SIN3B: variants seen among roughly 807,000 people sequenced by gnomAD.
The protein encoded by SIN3B is paired amphipathic helix protein Sin3b.
SIN3B carries 19 observed loss-of-function variants against 120.2 expected under a neutral mutation model. The ratio of observed to expected loss-of-function variants is 0.16; its 90% CI spans 0.11 to 0.23. The LOEUF (loss-of-function observed/expected upper bound fraction) is 0.23, where lower values mean the gene tolerates loss of function less well. Ranked by LOEUF, SIN3B falls within the 10% of genes least tolerant of loss-of-function variation. The pLI is 1.00. For missense variants in SIN3B, 1,073 were observed against 1,573.0 expected, an observed-to-expected ratio of 0.68 and a Z score of 5.38; for synonymous variants, 654 against 653.2, an observed-to-expected ratio of 1.00 and a Z score of -0.02.
At chr19:16,841,426 T>G (rs149254931) in intron 3 of SIN3B, among the ~76,000 whole-genome samples, 1 of 152,288 alleles carries the variant, frequency 6.6e-6, no homozygotes, top group East Asian at 1.9e-4. Context: ...GGGAGACTTC[T>G]CTATTATATG....
At chr19:16,850,928 A>G (rs1387536717) in intron 5 of SIN3B, among the ~76,000 whole-genome samples, 1 of 151,594 alleles carries the variant, frequency 6.6e-6, no homozygotes, top group Admixed American at 6.6e-5. Flanking sequence ...ATCCCCCAGA[A>G]ACGTTTTGTC....
chr19:16,851,020 T>G (rs1971537684), intron 5 of SIN3B, among the ~76,000 whole-genome samples: 1 of 152,262 alleles, frequency 6.6e-6, no homozygotes, highest in Non-Finnish European at 1.5e-5. Flanking sequence ...CCTTGCTGCC[T>G]GTTTCTCTGT....
chr19:16,835,640 C>T lies in SIN3B; in HGVS notation c.381+3993C>T, dbSNP rs1006997522. 2.2e-4 allele frequency among the ~76,000 whole-genome samples: 34 copies of T among 152,036 alleles called. 1 individual carries two copies. Among genetic ancestry groups the T allele is most frequent in the African/African-American group, 8.2e-4 (34 of 41,374 alleles). ...GTTCAAGTCATTCTCCTGCCTCAGC[C>T]TCCCAAGTAGCTGCTATTACAGGCA... On this transcript the variant is annotated intron_variant, in intron 3 of 18. Coordinates refer to ENST00000248054, the MANE Select transcript of SIN3B (RefSeq NM_001297595.2).
At chr19:16,847,305 G>A (rs182652601) in intron 5 of SIN3B, among the ~76,000 whole-genome samples, 192 bp downstream of exon 5, 3 of 152,332 alleles carry the variant, frequency 2.0e-5, no homozygotes, top group South Asian at 2.1e-4. Flanking sequence ...GCTCGTAAAC[G>A]ATTTGCCAAG....
chr19:16,829,419 A>T lies in SIN3B; in HGVS notation c.-2A>T, dbSNP rs1167017635. 92 of 1,204,730 alleles carry T rather than the reference A, an allele frequency of 7.6e-5. No homozygotes were observed. Among genetic ancestry groups the T allele is most frequent in the South Asian group, 1.7e-4 (4 of 24,068 alleles). 74.6% of individuals were successfully genotyped at this position (1,204,730 alleles called of 1,614,324 possible). ...GGGCGGGGCGCAGCTCCGACTTCGG[A>T]CATGGCGCACGCTGGCGGTGGCAGC... On this transcript the variant is annotated 5_prime_UTR_variant, in exon 1 of 19. Transcript: ENST00000248054.
chr19:16,871,078 C>T, intron 13 of SIN3B, 151 bp from the exon 14 acceptor site: 1 of 959,702 alleles, frequency 1.0e-6, no homozygotes, highest in Non-Finnish European at 1.6e-6. Context: ...ACTCGGGTTT[C>T]CTGGTGATTC....
rs1343160266 is a variant in SIN3B at position 16,879,849 on chromosome 19, C to T, written c.*1122C>T. The stretch of plus-strand genomic sequence containing the variant: ...GGCCTCTCTCCCCGACCATGAGAGC[C>T]CCTGGCCCTGGCCCCTGCACACCAG... On this transcript the variant is annotated 3_prime_UTR_variant, in exon 19 of 19. Coordinates refer to ENST00000248054, the MANE Select transcript of SIN3B (RefSeq NM_001297595.2). 2 of 152,270 alleles carry T rather than the reference C, an allele frequency of 1.3e-5. No individual in the cohort carries two copies. Among genetic ancestry groups the T allele is most frequent in the Non-Finnish European group, 2.9e-5 (2 of 68,090 alleles). The allele number at this position is 152,270 out of a possible 1,614,324, so 9.4% of individuals were successfully genotyped here. A position where few individuals can be genotyped will look rare whatever the true frequency, so the allele number is the denominator to read the frequency against.
chr19:16,836,988 C>G (rs1411337549), intron 3 of SIN3B, among the ~76,000 whole-genome samples: 1 of 152,034 alleles, frequency 6.6e-6, no homozygotes, highest in Non-Finnish European at 1.5e-5. Context: ...CCTGCACAGT[C>G]AAGGTGGGGG....
chr19:16,863,733 C>T lies in SIN3B; in HGVS notation c.1320C>T (p.Phe440=), dbSNP rs369985112. 25 of 1,614,062 alleles carry T rather than the reference C, an allele frequency of 1.5e-5. No individual in the cohort carries two copies. Among genetic ancestry groups the T allele is most frequent in the African/African-American group, 4.0e-5 (3 of 74,930 alleles). The change falls in exon 10 of 19, where the codon TTC becomes TTT. Residue 440 remains phenylalanine (F), a synonymous_variant. Transcript: ENST00000248054. ...SFPSWSEDST[F]VSSKKTPYEE... is the part of the protein sequence containing the mutation. ...CTTCCTGGTCTGAGGACTCCACGTT[C>T]GTCAGCTCCAAGAAGACACCGTACG...
chr19:16,865,479 C>G lies in SIN3B; in HGVS notation c.1453C>G (p.Arg485Gly). Residue 485 changes from arginine to glycine, a missense_variant, in exon 11 of 19, where the codon CGG becomes GGG. Around this residue, in one of 7 missense-constraint regions of SIN3B, gnomAD observed 118 missense variants for 281.6 expected, o/e 0.42. Transcript: ENST00000248054. ...VLESVQKKLS[R>G]MAPEDQEKFR... Reference sequence around the variant, plus strand: ...GGAAAGTGTGCAGAAGAAGCTGTCTCGGATGGCGCCGGAAGACCAGGAGAA... The same window carrying G: ...GGAAAGTGTGCAGAAGAAGCTGTCTGGGATGGCGCCGGAAGACCAGGAGAA... 1 of 1,613,420 alleles carries G rather than the reference C, an allele frequency of 6.2e-7. No individual in the cohort carries two copies.
At chr19:16,850,245 A>G (rs1352969355) in intron 5 of SIN3B, among the ~76,000 whole-genome samples, 3 of 152,178 alleles carry the variant, frequency 2.0e-5, no homozygotes, top group South Asian at 2.1e-4. Flanking sequence ...AAAAATAAGT[A>G]TTAGCAAGAG....
At chr19:16,852,732 C>G (rs1386568652) in intron 6 of SIN3B, among the ~76,000 whole-genome samples, 1 of 152,262 alleles carries the variant, frequency 6.6e-6, no homozygotes, top group East Asian at 1.9e-4. Context: ...TTGTTGCTGT[C>G]TTGGCTCTCA....
intron 1 of SIN3B, 114 bp from the exon 2 acceptor site, chr19:16,829,677 C>T: frequency 8.1e-7 from 1 of 1,240,518 alleles, no homozygotes; most frequent in Non-Finnish European, 1.1e-6. Context: ...TCACCCCTCA[C>T]CTCTCACCTC....
In SIN3B at chr19:16,871,341, C is replaced by T. The variant is rs1393239910; in HGVS notation, c.2535C>T (p.Thr845=). 1.1e-5 allele frequency: 18 copies of T among 1,613,890 alleles called. No homozygotes were observed. The highest frequency in any genetic ancestry group is 1.5e-5 in the Non-Finnish European group (18 of 1,179,916). ...AGGACACCCTACGCGAGATGTTCAC[C>T]ATCCATGCCTACGTGGGCTTCACCA... ...QYEDTLREMF[T]IHAYVGFTMD... Residue 845 remains threonine (T), a synonymous_variant, in exon 14 of 19, where the codon ACC becomes ACT. Transcript: ENST00000248054.
chr19:16,863,645 T>G (rs758683680), intron 9 of SIN3B, 35 bp from the exon 10 acceptor site: 4 of 1,377,984 alleles, frequency 2.9e-6, no homozygotes, highest in Non-Finnish European at 4.1e-6. Flanking sequence ...TCCTGGGGCA[T>G]GCAGCGTCAT....
intron 3 of SIN3B, among the ~76,000 whole-genome samples, chr19:16,839,028 C>T (rs981606420): frequency 3.0e-5 from 4 of 131,258 alleles, no homozygotes; most frequent in Middle Eastern, 4.9e-3. Context: ...GGCTGGAGTG[C>T]GGTGGTGCAT....
rs112939222 is a variant in SIN3B at position 16,871,581 on chromosome 19, T to C, written c.2592+183T>C. The C allele has an allele frequency of 1.8e-3, 1,041 of 589,864 alleles. 12 individuals are homozygous for C. The highest frequency in any genetic ancestry group is 0.017 in the African/African-American group (880 of 52,828). 36.5% of individuals were successfully genotyped at this position (589,864 alleles called of 1,614,324 possible). On this transcript the variant is annotated intron_variant, in intron 14 of 18. Transcript: ENST00000248054. ...TTGAAGTGTACAGTTTGGTAACATT[T>C]GGTACATTCACAATATTGTGCAACC...
rs1971707092 is a variant in SIN3B at position 16,862,811 on chromosome 19, T to C, written c.1266+252T>C. ...TGGAGTTCGGCTTATTCATCTGTTA[T>C]TTGACTTAGGTTTATTGCTGCCATG... On this transcript the variant is annotated intron_variant, in intron 9 of 18. Transcript: ENST00000248054. The surrounding 1 kb of genome is among the most constrained non-coding windows in gnomAD (Gnocchi z 4.7). The C allele has an allele frequency of 1.6e-6, 2 of 1,258,098 alleles. No individual in the cohort carries two copies. Among genetic ancestry groups the C allele is most frequent in the Non-Finnish European group, 1.2e-6 (1 of 860,774 alleles). The allele number at this position is 1,258,098 out of a possible 1,614,324, so 77.9% of individuals were successfully genotyped here.
chr19:16,864,698 A>G (rs1373949707), intron 10 of SIN3B, among the ~76,000 whole-genome samples: 1 of 151,672 alleles, frequency 6.6e-6, no homozygotes, highest in East Asian at 2.0e-4. Flanking sequence ...TTTGTAATTA[A>G]AAGTTTTATT....
Sources: gnomAD v4.1 joint callset for allele counts (sites outside exome capture counted in the v4.1 genomes callset) on GRCh38, gnomAD v4.1.1 for gene constraint, gnomAD v4.1.1 regional missense constraint, Gnocchi (gnomAD v3.1) non-coding constraint, MANE v1.5 for transcripts, NCBI Gene and HGNC (gene_info 2026-07-23, HGNC 2026-07-21) for gene names.